Variants in C3orf49 observed in about 807,000 individuals in gnomAD.
The protein encoded by C3orf49 is chromosome 3 open reading frame 49.
C3orf49 carries 27 observed loss-of-function variants against 13.3 expected under a neutral mutation model. The ratio of observed to expected loss-of-function variants is 2.02; its 90% CI spans 1.49 to 2.79. The LOEUF (loss-of-function observed/expected upper bound fraction) is 2.79, where lower values mean the gene tolerates loss of function less well. Among genes scored for constraint, C3orf49 ranks in the 30% most tolerant of loss-of-function variants. The pLI is 0.00. For missense variants in C3orf49, 242 were observed against 134.2 expected (o/e 1.80, Z -3.97); for synonymous variants, 87 against 47.6 (o/e 1.83, Z -3.40).
the C3orf49 span, among the ~76,000 whole-genome samples, chr3:63,790,321 CTAATACCTGG>C: frequency 6.6e-6 from 1 of 152,152 alleles, no homozygotes; most frequent in African/African-American, 2.4e-5. Flanking sequence ...TTGTTGAATC[CTAATACCTGG>C]TGTAGGTGGG....
chr3:63,836,231 A>T lies in C3orf49; in HGVS notation c.849+4387A>T, dbSNP rs1209835640. On this transcript the variant is annotated intron_variant, in intron 5 of 6. Coordinates refer to ENST00000295896, the MANE Select transcript of C3orf49 (RefSeq NM_001355236.2). ...ACATATTTATTTCTGCAAAAATGAA[A>T]TGCCTACGGTAGTTTTCGAGCATTT... The T allele has an allele frequency of 9.2e-6, 13 of 1,413,818 alleles. No individual in the cohort carries two copies. In the East Asian group the frequency reaches 2.3e-4, roughly 25 times the overall value. The allele number at this position is 1,413,818 out of a possible 1,614,324, so 87.6% of individuals were successfully genotyped here.
At chr3:63,787,073 A>G in the C3orf49 span, 1 of 152,230 alleles carries the variant, frequency 6.6e-6, no homozygotes, top group Non-Finnish European at 1.5e-5. Context: ...AAGAACTGCA[A>G]AGCAACCTCA....
At chr3:63,785,924 A>T in the C3orf49 span, 1 of 152,212 alleles carries the variant, frequency 6.6e-6, no homozygotes, top group Non-Finnish European at 1.5e-5. Context: ...TGAAAAGGGA[A>T]ATACGAACCA....
rs1701386753 is a variant in C3orf49, at chr3:63,820,998, C to G, written c.125+1402C>G. 8.5e-5 allele frequency among the ~76,000 whole-genome samples: 13 copies of G among 152,284 alleles called. No homozygotes were observed. The South Asian group carries it at 2.7e-3, about 32-fold the overall frequency. ...TTCCCCATAAGTTAATGGCTTTTCC[C>G]CACTGTTCTGATCCACATGGTAATA... is the stretch of plus-strand genomic sequence containing the variant. On this transcript the variant is annotated intron_variant, in intron 1 of 6. Coordinates refer to ENST00000295896, the MANE Select transcript of C3orf49 (RefSeq NM_001355236.2).
chr3:63,838,788 T>A (rs1053104291), intron 5 of C3orf49, among the ~76,000 whole-genome samples: 1 of 152,210 alleles, frequency 6.6e-6, no homozygotes, highest in Non-Finnish European at 1.5e-5. Context: ...TAGAAATACT[T>A]TAAGATGTTT....
intron 5 of C3orf49, among the ~76,000 whole-genome samples, chr3:63,836,131 A>G (rs1701628995): frequency 6.6e-6 from 1 of 152,004 alleles, no homozygotes; most frequent in Non-Finnish European, 1.5e-5. Context: ...ATAGCTGGTA[A>G]GGTTAGAGGA....
chr3:63,788,533 G>A, the C3orf49 span, among the ~76,000 whole-genome samples: 3 of 152,082 alleles, frequency 2.0e-5, no homozygotes, highest in Non-Finnish European at 4.4e-5. Flanking sequence ...AGGACAGGAA[G>A]GGGACAGAAG....
At chr3:63,832,313 TA>T (rs1382002634) in intron 5 of C3orf49, among the ~76,000 whole-genome samples, 1 of 152,036 alleles carries the variant, frequency 6.6e-6, no homozygotes, top group African/African-American at 2.4e-5. Context: ...GGCAGCATTT[TA>T]AAAAAAATTC....
intron 6 of C3orf49, chr3:63,846,114 A>G: frequency 2.6e-6 from 1 of 385,622 alleles, no homozygotes; most frequent in Non-Finnish European, 5.2e-6. Flanking sequence ...CAAGGATGGT[A>G]AAACTGATGT....
At chr3:63,839,880 T>G in intron 5 of C3orf49, 1 of 866,364 alleles carries the variant, frequency 1.2e-6, no homozygotes, top group South Asian at 1.6e-5. Flanking sequence ...TATTGAAATG[T>G]AAATGCATTT....
chr3:63,842,866 C>T (rs1289813849), intron 5 of C3orf49, among the ~76,000 whole-genome samples: 1 of 152,150 alleles, frequency 6.6e-6, no homozygotes, highest in Non-Finnish European at 1.5e-5. Context: ...ACTGCAACCT[C>T]CACCTACTGG....
chr3:63,787,623 C>A, the C3orf49 span, among the ~76,000 whole-genome samples: 1 of 152,094 alleles, frequency 6.6e-6, no homozygotes, highest in Non-Finnish European at 1.5e-5. Flanking sequence ...TGCTAGGCAG[C>A]CAGGGCCATC....
the C3orf49 span, among the ~76,000 whole-genome samples, chr3:63,783,717 C>CAA: frequency 9.8e-3 from 1,454 of 147,988 alleles, 27 homozygotes; most frequent in African/African-American, 0.034. Flanking sequence ...GACTCCATCT[C>CAA]AAAAAAAAAT....
At chr3:63,787,649 G>C in the C3orf49 span, among the ~76,000 whole-genome samples, 1 of 152,136 alleles carries the variant, frequency 6.6e-6, no homozygotes, top group Non-Finnish European at 1.5e-5. Context: ...GAAAGCCACC[G>C]AAATGAAAGT....
At position 63,845,097 on chromosome 3, in the gene C3orf49, C is replaced by T. The variant is rs1173790715; in HGVS notation, c.*30+15C>T. The stretch of plus-strand genomic sequence containing the variant: ...CACAGGAAAAGGTGATGCTAACCTT[C>T]TTTTCTGGGGGTGGGGGGTACTATC... On this transcript the variant is annotated intron_variant, in intron 6 of 6. Transcript: ENST00000295896. The T allele has an allele frequency of 1.4e-6, 1 of 692,966 alleles. No individual in the cohort carries two copies. The highest frequency in any genetic ancestry group is 1.5e-5 in the South Asian group (1 of 66,290). 42.9% of individuals were successfully genotyped at this position (692,966 alleles called of 1,614,324 possible).
chr3:63,793,831 T>A, the C3orf49 span, among the ~76,000 whole-genome samples: 1 of 152,082 alleles, frequency 6.6e-6, no homozygotes, highest in Non-Finnish European at 1.5e-5. Context: ...CCCCACTTCT[T>A]AGAATATGCT....
At chr3:63,821,147 CA>C (rs1175434884) in intron 1 of C3orf49, among the ~76,000 whole-genome samples, 1 of 152,130 alleles carries the variant, frequency 6.6e-6, no homozygotes, top group Non-Finnish European at 1.5e-5. Flanking sequence ...ATAGAGGTTA[CA>C]TGACATGCCC....
the C3orf49 span, among the ~76,000 whole-genome samples, chr3:63,788,467 C>T: frequency 4.8e-3 from 722 of 151,948 alleles, 6 homozygotes; most frequent in African/African-American, 0.017. Flanking sequence ...AACGTTGTTA[C>T]GGAGCAACTC....
chr3:63,836,168 G>T, intron 5 of C3orf49: 1 of 762,504 alleles, frequency 1.3e-6, no homozygotes, highest in Non-Finnish European at 2.0e-6. Flanking sequence ...AGAAGTATGG[G>T]AAAATATAAT....
Sources: gnomAD v4.1 joint callset for allele counts (sites outside exome capture counted in the v4.1 genomes callset) on GRCh38, gnomAD v4.1.1 for gene constraint, MANE v1.5 for transcripts, NCBI Gene and HGNC (gene_info 2026-07-23, HGNC 2026-07-21) for gene names.